ST7: variants seen among roughly 807,000 people sequenced by gnomAD.
ST7 encodes suppressor of tumorigenicity 7 protein.
Under a neutral mutation model 78.7 loss-of-function variants are expected in ST7, and 28 were observed. The ratio of observed to expected loss-of-function variants is 0.36; its 90% CI spans 0.26 to 0.49. The LOEUF (loss-of-function observed/expected upper bound fraction) is 0.49. ST7 is among the 20% of genes least tolerant of loss of function. ST7 has a pLI of 0.99. For missense variants in ST7, 418 were observed against 696.0 expected (o/e 0.60, Z 4.49); for synonymous variants, 247 against 249.6 (o/e 0.99, Z 0.10).
intron 1 of ST7, among the ~76,000 whole-genome samples, chr7:117,078,576 A>C (rs182625840): frequency 5.4e-4 from 83 of 152,380 alleles, no homozygotes; most frequent in Non-Finnish European, 4.6e-4. Flanking sequence ...AGAGTGAGGC[A>C]TAGAAATTTA....
rs546402941 is a variant in ST7, at chr7:117,027,043, G to A, written c.152-72719G>A. ...GCAGGATTAGCATCAGCCACTAAAG[G>A]TTGGAATGTTGTCCACTCAGAACAC... On this transcript the variant is annotated intron_variant, in intron 1 of 15. Transcript: ENST00000323984. Among the ~76,000 whole-genome samples, 21 of 152,368 alleles carry A rather than the reference G, an allele frequency of 1.4e-4. No individual in the cohort carries two copies. In the South Asian group the frequency reaches 4.3e-3, roughly 32 times the overall value.
intron 9 of ST7, among the ~76,000 whole-genome samples, chr7:117,151,541 A>G (rs1806246126): frequency 6.8e-6 from 1 of 146,872 alleles, no homozygotes; most frequent in Admixed American, 6.7e-5. Flanking sequence ...GCACACACAC[A>G]CTATTTTTTT....
chr7:116,973,243 C>A (rs747266785), intron 1 of ST7, among the ~76,000 whole-genome samples: 6 of 151,978 alleles, frequency 3.9e-5, no homozygotes, highest in Non-Finnish European at 7.4e-5. Context: ...TTCTTGTCCT[C>A]TGTCTCTCTC....
intron 1 of ST7, among the ~76,000 whole-genome samples, chr7:116,973,817 TTTAA>T (rs1320512433): frequency 3.9e-5 from 6 of 152,254 alleles, no homozygotes; most frequent in African/African-American, 1.4e-4. Flanking sequence ...ATATACTTAA[TTTAA>T]TTGTTATATA....
intron 9 of ST7, among the ~76,000 whole-genome samples, chr7:117,151,831 G>T (rs974142814): frequency 6.6e-6 from 1 of 152,092 alleles, no homozygotes; most frequent in East Asian, 1.9e-4. Flanking sequence ...AAGAATTTAT[G>T]ACCTCAGGCT....
chr7:117,014,063 A>T (rs1795492258), intron 1 of ST7, among the ~76,000 whole-genome samples: 1 of 152,208 alleles, frequency 6.6e-6, no homozygotes, highest in African/African-American at 2.4e-5. Context: ...CTCCAGCAAA[A>T]GCATTCTAAA....
intron 6 of ST7, 86 bp from the exon 7 acceptor site, chr7:117,134,038 C>T (rs1457711708): frequency 1.3e-6 from 2 of 1,554,264 alleles, no homozygotes; most frequent in Non-Finnish European, 1.7e-6. Flanking sequence ...TCTTTGATTA[C>T]CCTGAACTCC....
rs551150596 is a variant in ST7, at chr7:117,090,236, A to AAC, written c.152-9510_152-9509dup. On this transcript the variant is annotated intron_variant, in intron 1 of 15. Transcript: ENST00000323984. ...ACTGTACAGGTAGTCTAAGGATAGA[A>AAC]ACACACACACACACACAGACACACA... Among the ~76,000 whole-genome samples the AAC allele has an allele frequency of 7.9e-4, 110 of 139,924 alleles. No individual in the cohort carries two copies. In the East Asian group the frequency reaches 0.015, roughly 18 times the overall value. The allele number at this position is 139,924 out of a possible 152,430, so 91.8% of individuals were successfully genotyped here. A position where few individuals can be genotyped will look rare whatever the true frequency, so the allele number is the denominator to read the frequency against.
chr7:117,015,604 T>C (rs1795568567), intron 1 of ST7, among the ~76,000 whole-genome samples: 1 of 152,196 alleles, frequency 6.6e-6, no homozygotes, highest in African/African-American at 2.4e-5. Flanking sequence ...GGTAAATTGG[T>C]ACATGTTTAG....
At chr7:116,986,812 G>T (rs969734225) in intron 1 of ST7, among the ~76,000 whole-genome samples, 3 of 152,200 alleles carry the variant, frequency 2.0e-5, no homozygotes, top group African/African-American at 7.2e-5. Flanking sequence ...CATGGGATTA[G>T]ATATGGTTAC....
At chr7:117,061,311 A>G (rs1427718934) in intron 1 of ST7, among the ~76,000 whole-genome samples, 1 of 152,140 alleles carries the variant, frequency 6.6e-6, no homozygotes, top group African/African-American at 2.4e-5. Context: ...CCTACACTAA[A>G]TGGGGAAGCA....
chr7:116,994,397 G>A (rs1252862069), intron 1 of ST7, among the ~76,000 whole-genome samples: 1 of 152,150 alleles, frequency 6.6e-6, no homozygotes, highest in Non-Finnish European at 1.5e-5. Context: ...GAGATTCAAA[G>A]ACATCTTTCC....
At chr7:117,037,910 A>G (rs560053317) in intron 1 of ST7, among the ~76,000 whole-genome samples, 85 of 152,352 alleles carry the variant, frequency 5.6e-4, no homozygotes, top group South Asian at 2.1e-4. Flanking sequence ...GGAGATGTTG[A>G]TGATTGATAT....
chr7:117,027,851 C>T (rs774902867), intron 1 of ST7, among the ~76,000 whole-genome samples: 5 of 152,186 alleles, frequency 3.3e-5, no homozygotes, highest in Admixed American at 6.6e-5. Context: ...GACAATAAAT[C>T]CCCAGAGTGT....
At chr7:117,139,876 T>C (rs1805128122) in intron 9 of ST7, among the ~76,000 whole-genome samples, 1 of 152,252 alleles carries the variant, frequency 6.6e-6, no homozygotes, top group Non-Finnish European at 1.5e-5. Context: ...TCCTTTGATA[T>C]ACTTCATCCC....
chr7:117,008,531 G>T (rs1795248855), intron 1 of ST7, among the ~76,000 whole-genome samples: 1 of 152,178 alleles, frequency 6.6e-6, no homozygotes, highest in Non-Finnish European at 1.5e-5. Flanking sequence ...GATGTATGTG[G>T]ATTGGAGGTA....
At chr7:117,007,247 A>G (rs1248187679) in intron 1 of ST7, among the ~76,000 whole-genome samples, 1 of 152,214 alleles carries the variant, frequency 6.6e-6, no homozygotes, top group African/African-American at 2.4e-5. Context: ...TGCTACTCCA[A>G]TGAACACACA....
At chr7:117,020,431 G>A (rs1425282813) in intron 1 of ST7, 2 of 662,476 alleles carry the variant, frequency 3.0e-6, no homozygotes, top group Non-Finnish European at 4.8e-6. Flanking sequence ...ACTGAAGCTC[G>A]TAACAGGAGA....
At chr7:117,079,848 C>G (rs1250659725) in intron 1 of ST7, among the ~76,000 whole-genome samples, 1 of 151,830 alleles carries the variant, frequency 6.6e-6, no homozygotes, top group Non-Finnish European at 1.5e-5. Context: ...ACCTTTTCTT[C>G]CACTGATTAA....
Sources: allele counts gnomAD v4.1 joint callset (sites outside exome capture counted in the v4.1 genomes callset), GRCh38; gene constraint gnomAD v4.1.1; transcripts MANE v1.5; gene names NCBI Gene and HGNC (gene_info 2026-07-23, HGNC 2026-07-21).